Variants in RBL2 observed in about 807,000 individuals in gnomAD.
RBL2 encodes retinoblastoma-like protein 2.
A neutral mutation model predicts 126.0 loss-of-function variants in RBL2; 56 were observed. That is an observed-to-expected ratio of 0.44 (90% CI 0.36 to 0.56). RBL2 has a LOEUF of 0.56. Ranked by LOEUF, RBL2 falls within the 20% of genes least tolerant of loss-of-function variation. The pLI is 0.00. For synonymous variants in RBL2, 454 were observed against 478.5 expected (o/e 0.95, Z 0.67); for missense variants, 1,229 against 1,398.2 (o/e 0.88, Z 1.93).
At chr16:53,454,138 A>C (rs2058142957) in intron 7 of RBL2, 1 of 404,200 alleles carries the variant, frequency 2.5e-6, no homozygotes, top group African/African-American at 2.1e-5. Flanking sequence ...ACTGTCAGCA[A>C]AATACTTGTA....
At position 53,470,840 on chromosome 16, in the gene RBL2, T is replaced by A. The variant is rs2058316322; in HGVS notation, c.2621T>A (p.Phe874Tyr). The change falls in exon 17 of 22, where the codon TTC (phenylalanine) becomes TAC (tyrosine). Residue 874 changes from phenylalanine to tyrosine, a missense_variant. This residue lies in a region of RBL2 where 1,070 missense variants were observed against 1,274.3 expected (regional missense o/e 0.84). Transcript: ENST00000262133. ...AAAAAAATCTGGACCTGCTTTGAATTCTCCATAATTCAGTGTCCTGAACTT... is the reference window on the plus strand; with the variant it reads ...AAAAAAATCTGGACCTGCTTTGAATACTCCATAATTCAGTGTCCTGAACTT... ...LRKKIWTCFE[F>Y]SIIQCPELMM... is the part of the protein sequence containing the mutation. 1.9e-6 allele frequency: 3 copies of A among 1,614,126 alleles called. No individual in the cohort carries two copies. The East Asian group carries it at 6.7e-5, about 36-fold the overall frequency.
intron 5 of RBL2, among the ~76,000 whole-genome samples, chr16:53,452,136 A>G (rs1214831605): frequency 6.6e-6 from 1 of 152,222 alleles, no homozygotes; most frequent in African/African-American, 2.4e-5. Context: ...ATGTTTTTCT[A>G]CATTGGCAAA....
Position 53,454,714 on chromosome 16 carries a change from C to T in RBL2, c.1051C>T (p.Arg351Trp). Residue 351 changes from arginine to tryptophan, a missense_variant, in exon 8 of 22, where the codon CGG (arginine) becomes TGG (tryptophan). Around this residue, in one of 2 missense-constraint regions of RBL2, gnomAD observed 1,070 missense variants for 1,274.3 expected, o/e 0.84. Coordinates refer to ENST00000262133, the MANE Select transcript of RBL2 (RefSeq NM_005611.4). The part of the protein sequence containing the change: ...YVLSVGNLDE[R>W]IFLGEDAEEE... ...TTTATCTGTTGGGAATTTAGATGAGCGGATATTTCTTGGAGAGGATGCTGA... is the reference window on the plus strand; with the variant it reads ...TTTATCTGTTGGGAATTTAGATGAGTGGATATTTCTTGGAGAGGATGCTGA... The T allele has an allele frequency of 1.9e-6, 3 of 1,613,834 alleles. No homozygotes were observed. Among genetic ancestry groups the T allele is most frequent in the Non-Finnish European group, 2.5e-6 (3 of 1,179,834 alleles).
intron 1 of RBL2, 92 bp downstream of exon 1, chr16:53,434,888 G>A: frequency 7.2e-7 from 1 of 1,390,158 alleles, no homozygotes; most frequent in South Asian, 1.6e-5. Context: ...ACTCTCGGGC[G>A]GGTTGCGGGC....
intron 17 of RBL2, 139 bp from the exon 18 acceptor site, chr16:53,479,015 C>T (rs1460702028): frequency 1.1e-5 from 7 of 665,486 alleles, no homozygotes; most frequent in Admixed American, 5.5e-5. Context: ...TGCTATATGC[C>T]GTTAATACCA....
chr16:53,489,627 T>TA (rs1289136881), intron 21 of RBL2: 1 of 152,214 alleles, frequency 6.6e-6, no homozygotes. Context: ...TTCTAGATCT[T>TA]ACTAATTTAT....
intron 1 of RBL2, 28 bp from the exon 2 acceptor site, chr16:53,438,987 CT>C: frequency 2.1e-6 from 3 of 1,433,256 alleles, no homozygotes; most frequent in Non-Finnish European, 2.8e-6. Flanking sequence ...AGCTTTTTAA[CT>C]AAAAATCAAT....
chr16:53,472,774 A>G (rs1438233369), intron 17 of RBL2, among the ~76,000 whole-genome samples: 1 of 152,082 alleles, frequency 6.6e-6, no homozygotes, highest in Non-Finnish European at 1.5e-5. Context: ...TGTTACTTGC[A>G]CTTTGGGTGT....
chr16:53,487,034 GAAATT>G (rs1323703829), intron 21 of RBL2, among the ~76,000 whole-genome samples: 2 of 152,196 alleles, frequency 1.3e-5, no homozygotes, highest in Admixed American at 1.3e-4. Context: ...CTTGGTGAGA[GAAATT>G]AAAGCCTGAG....
In RBL2 at chr16:53,442,822, A is replaced by G; in HGVS notation, c.536A>G (p.Glu179Gly). 6.2e-7 allele frequency: 1 copy of G among 1,613,546 alleles called. No individual in the cohort carries two copies. Among genetic ancestry groups the G allele is most frequent in the Non-Finnish European group, 8.5e-7 (1 of 1,179,664 alleles). Residue 179 changes from glutamate to glycine, a missense_variant, in exon 3 of 22, where the codon GAG becomes GGG. Physicochemically the swap from Glu to Gly is moderately conservative, Grantham distance 98. Around this residue, in one of 2 missense-constraint regions of RBL2, gnomAD observed 1,070 missense variants for 1,274.3 expected, o/e 0.84. Transcript: ENST00000262133. ...CAGGACATCTTTAAATACCCTCAAG[A>G]GGAGCAACCTCGTCAGCAGCGAGGA... ...IFQDIFKYPQ[E>G]EQPRQQRGRK...
Position 53,434,618 on chromosome 16 carries a change from C to T in RBL2, c.62C>T (p.Ser21Leu). 2.6e-6 allele frequency: 4 copies of T among 1,555,336 alleles called. No individual in the cohort carries two copies. Among genetic ancestry groups the T allele is most frequent in the Non-Finnish European group, 3.4e-6 (4 of 1,160,008 alleles). Residue 21 changes from serine to leucine, a missense_variant, in exon 1 of 22, where the codon TCG becomes TTG. Ser to Leu is a moderately radical substitution (Grantham distance 145). This residue lies in a region of RBL2 where 159 missense variants were observed against 123.9 expected (regional missense o/e 1.28). Coordinates refer to ENST00000262133, the MANE Select transcript of RBL2 (RefSeq NM_005611.4). ...CCTCCCCCTCCGGCGGCGGCAGCCT[C>T]GGATGAGGAGGAGGAGGACGACGGC... is the stretch of plus-strand genomic sequence containing the variant. The part of the protein sequence containing the change: ...PPPPPPAAAA[S>L]DEEEEDDGEA...
intron 14 of RBL2, among the ~76,000 whole-genome samples, chr16:53,467,639 C>T (rs1422927578): frequency 1.3e-5 from 2 of 152,220 alleles, no homozygotes; most frequent in African/African-American, 4.8e-5. Context: ...CCGCCTACCT[C>T]GTTCTCCCAA....
Position 53,491,406 on chromosome 16 carries a change from T to C in RBL2, c.*1106T>C, listed in dbSNP as rs1598144486. The stretch of plus-strand genomic sequence containing the variant: ...AATTATCTATACATATCTTTATTAA[T>C]CACTATTGTTCCAGCAGTTTTCAAG... On this transcript the variant is annotated 3_prime_UTR_variant, in exon 22 of 22. Transcript: ENST00000262133. 6.6e-6 allele frequency: 1 copy of C among 152,326 alleles called. No individual in the cohort carries two copies. Among genetic ancestry groups the C allele is most frequent in the African/African-American group, 2.4e-5 (1 of 41,456 alleles). 9.4% of individuals were successfully genotyped at this position (152,326 alleles called of 1,614,324 possible). A position where few individuals can be genotyped will look rare whatever the true frequency, so the allele number is the denominator to read the frequency against.
intron 2 of RBL2, among the ~76,000 whole-genome samples, chr16:53,439,399 A>C (rs1193275881): frequency 6.6e-6 from 1 of 152,214 alleles, no homozygotes; most frequent in Non-Finnish European, 1.5e-5. Context: ...ATTTATTTTT[A>C]AAGTTTAGGA....
At chr16:53,462,718 C>A in intron 11 of RBL2, 63 bp downstream of exon 11, 1 of 1,126,024 alleles carries the variant, frequency 8.9e-7, no homozygotes, top group Non-Finnish European at 1.3e-6. Context: ...CTGCCCTATT[C>A]TGTGGGTTGT....
chr16:53,468,345 C>G (rs1288493157), intron 14 of RBL2, among the ~76,000 whole-genome samples: 1 of 152,102 alleles, frequency 6.6e-6, no homozygotes, highest in Non-Finnish European at 1.5e-5. Context: ...TCAAGACCAT[C>G]CTGGGCAACA....
chr16:53,479,498 C>T, intron 18 of RBL2: 2 of 510,072 alleles, frequency 3.9e-6, no homozygotes, highest in East Asian at 6.6e-5. Flanking sequence ...TTCTATGTCA[C>T]CTTTCATTCT....
At chr16:53,455,436 C>T (rs1050732301) in intron 8 of RBL2, among the ~76,000 whole-genome samples, 8 of 152,168 alleles carry the variant, frequency 5.3e-5, no homozygotes, top group African/African-American at 1.4e-4. Flanking sequence ...GACTGGTCTG[C>T]TTATTCATTC....
At position 53,461,819 on chromosome 16, in the gene RBL2, G is replaced by T. The variant is rs377229110; in HGVS notation, c.1425G>T (p.Gln475His). ...TTGAAATATATTCTCAGCATTTCCA[G>T]CCAGACGAGGATTTCAGTAATTGTG... is the stretch of plus-strand genomic sequence containing the variant. ...EMFEIYSQHF[Q>H]PDEDFSNCAK... The change falls in exon 10 of 22, where the codon CAG (glutamine) becomes CAT (histidine). Residue 475 changes from glutamine to histidine, a missense_variant. Gln to His is a conservative substitution (Grantham distance 24). Coordinates refer to ENST00000262133, the MANE Select transcript of RBL2 (RefSeq NM_005611.4). 1.8e-5 allele frequency: 29 copies of T among 1,612,252 alleles called. No individual in the cohort carries two copies. The East Asian group carries it at 2.5e-4, about 14-fold the overall frequency.
Sources: gnomAD v4.1 joint callset for allele counts (sites outside exome capture counted in the v4.1 genomes callset) on GRCh38, gnomAD v4.1.1 for gene constraint, gnomAD v4.1.1 regional missense constraint, MANE v1.5 for transcripts, NCBI Gene and HGNC (gene_info 2026-07-23, HGNC 2026-07-21) for gene names.